DOCK2: variants seen among roughly 807,000 people sequenced by gnomAD.
The protein encoded by DOCK2 is dedicator of cytokinesis protein 2.
Under a neutral mutation model 248.9 loss-of-function variants are expected in DOCK2, and 87 were observed. The observed-to-expected ratio is 0.35, with a 90% CI of 0.29 to 0.42. The LOEUF is 0.42. DOCK2 is among the 10% of genes least tolerant of loss of function. The pLI is 1.00. For synonymous variants in DOCK2, 805 were observed against 821.6 expected (o/e 0.98, Z 0.35); for missense variants, 1,747 against 2,300.2 (o/e 0.76, Z 4.92).
chr5:169,746,932 G>A (rs768294449), intron 22 of DOCK2, among the ~76,000 whole-genome samples: 2 of 152,158 alleles, frequency 1.3e-5, no homozygotes, highest in Non-Finnish European at 2.9e-5. Context: ...GGAAGGGAAA[G>A]CAATGGCCCC....
intron 10 of DOCK2, among the ~76,000 whole-genome samples, chr5:169,697,957 A>AG (rs1760730402): frequency 6.6e-6 from 1 of 152,210 alleles, no homozygotes; most frequent in African/African-American, 2.4e-5. Flanking sequence ...TTATGAAAAG[A>AG]GGGTGGATAT....
In DOCK2 at chr5:169,807,833, C is replaced by CAAAAAAAAAAAAAAAAAA. The variant is rs61670398; in HGVS notation, c.2703+4636_2703+4653dup. On this transcript the variant is annotated intron_variant, in intron 26 of 51. Coordinates refer to ENST00000520908, the MANE Select transcript of DOCK2 (RefSeq NM_004946.3). ...TGGGAGACAGAGCAAGACTCTGTCT[C>CAAAAAAAAAAAAAAAAAA]AAAAAAAAAAAAAAAAAAAAAAAAA... is the stretch of plus-strand genomic sequence containing the variant. Among the ~76,000 whole-genome samples the CAAAAAAAAAAAAAAAAAA allele has an allele frequency of 5.3e-3, 129 of 24,226 alleles. 16 individuals are homozygous for CAAAAAAAAAAAAAAAAAA. The highest frequency in any genetic ancestry group is 0.014 in the Admixed American group (25 of 1,742). The allele number at this position is 24,226 out of a possible 152,430, so 15.9% of individuals were successfully genotyped here. A position where few individuals can be genotyped will look rare whatever the true frequency, so the allele number is the denominator to read the frequency against.
At chr5:169,789,941 A>G (rs1358094871) in intron 25 of DOCK2, among the ~76,000 whole-genome samples, 2 of 152,104 alleles carry the variant, frequency 1.3e-5, no homozygotes, top group Non-Finnish European at 2.9e-5. Flanking sequence ...GTTTATTTGA[A>G]ATATAGTATA....
chr5:169,641,500 G>T (rs1472362202), intron 1 of DOCK2, among the ~76,000 whole-genome samples: 2 of 152,182 alleles, frequency 1.3e-5, no homozygotes, highest in African/African-American at 4.8e-5. Context: ...TTGTTGAAGG[G>T]AACAAAATCT....
intron 33 of DOCK2, among the ~76,000 whole-genome samples, chr5:170,022,967 G>A (rs2113825681): frequency 6.6e-6 from 1 of 152,332 alleles, no homozygotes; most frequent in South Asian, 2.1e-4. Context: ...AATAATGGGG[G>A]TTGCTAATGA....
At chr5:169,712,284 C>A in intron 17 of DOCK2, 61 bp downstream of exon 17, 4 of 1,496,266 alleles carry the variant, frequency 2.7e-6, no homozygotes, top group Non-Finnish European at 3.7e-6. Flanking sequence ...GGGGTGATGG[C>A]AAAATTGCTT....
chr5:169,973,592 T>C (rs1355116820), intron 27 of DOCK2, among the ~76,000 whole-genome samples: 1 of 152,176 alleles, frequency 6.6e-6, no homozygotes, highest in African/African-American at 2.4e-5. Flanking sequence ...AGAGCTGGCA[T>C]TGATCCCAGG....
intron 27 of DOCK2, among the ~76,000 whole-genome samples, chr5:169,897,835 C>T (rs969759702): frequency 6.6e-6 from 1 of 152,162 alleles, no homozygotes; most frequent in African/African-American, 2.4e-5. Flanking sequence ...TTAATTTTCT[C>T]CAGGTCTATG....
chr5:169,667,633 T>A (rs183490577), intron 2 of DOCK2, among the ~76,000 whole-genome samples: 46 of 152,346 alleles, frequency 3.0e-4, no homozygotes, highest in Admixed American at 2.8e-3. Flanking sequence ...CATCACCCAC[T>A]AGCTGTGTGA....
intron 27 of DOCK2, chr5:169,884,024 C>T: frequency 1.1e-6 from 1 of 877,160 alleles, no homozygotes; most frequent in Non-Finnish European, 1.6e-6. Flanking sequence ...TGGAGTGGTC[C>T]TCTCCTCTTA....
chr5:169,716,458 T>G (rs1485354706), intron 20 of DOCK2, among the ~76,000 whole-genome samples, 156 bp downstream of exon 20: 2 of 152,236 alleles, frequency 1.3e-5, no homozygotes, highest in Non-Finnish European at 2.9e-5. Context: ...AATAATGAGC[T>G]GCTATTTCCT....
At chr5:169,686,777 C>T (rs1424223613) in intron 8 of DOCK2, among the ~76,000 whole-genome samples, 3 of 152,258 alleles carry the variant, frequency 2.0e-5, no homozygotes, top group South Asian at 4.1e-4. Context: ...GACTGAATCA[C>T]GGTCAGATAC....
intron 6 of DOCK2, among the ~76,000 whole-genome samples, chr5:169,678,430 AT>A (rs1411306254): frequency 6.6e-6 from 1 of 151,958 alleles, no homozygotes; most frequent in Non-Finnish European, 1.5e-5. Context: ...TGCCAGGCTA[AT>A]TTTTGTATTT....
At chr5:169,874,997 C>G (rs1203263426) in intron 27 of DOCK2, among the ~76,000 whole-genome samples, 1 of 152,006 alleles carries the variant, frequency 6.6e-6, no homozygotes, top group East Asian at 1.9e-4. Flanking sequence ...ATAATTAGGT[C>G]TATATATGAT....
intron 27 of DOCK2, among the ~76,000 whole-genome samples, chr5:169,908,302 A>G (rs745975282): frequency 6.6e-6 from 1 of 152,134 alleles, no homozygotes; most frequent in Non-Finnish European, 1.5e-5. Flanking sequence ...GCAAATCAAT[A>G]AAGTATATAA....
chr5:170,009,982 G>A (rs1038296761), intron 32 of DOCK2, among the ~76,000 whole-genome samples: 1 of 152,212 alleles, frequency 6.6e-6, no homozygotes, highest in African/African-American at 2.4e-5. Context: ...GACATTTACA[G>A]GCTGTGAGGC....
intron 22 of DOCK2, among the ~76,000 whole-genome samples, chr5:169,740,849 T>G (rs923386140): frequency 1.3e-5 from 2 of 152,200 alleles, no homozygotes; most frequent in Non-Finnish European, 2.9e-5. Flanking sequence ...TTGTTTTTGT[T>G]TTTGGAGACA....
chr5:169,949,865 A>G (rs2113722850), intron 27 of DOCK2, among the ~76,000 whole-genome samples: 1 of 152,014 alleles, frequency 6.6e-6, no homozygotes, highest in Non-Finnish European at 1.5e-5. Flanking sequence ...GCAAATGCAA[A>G]TAGACTCTTC....
chr5:169,828,338 G>A (rs372977646), intron 26 of DOCK2, among the ~76,000 whole-genome samples: 1 of 152,196 alleles, frequency 6.6e-6, no homozygotes, highest in African/African-American at 2.4e-5. Context: ...CCTAAGCAGA[G>A]CGGTCAGTGA....
Sources: allele counts gnomAD v4.1 joint callset (sites outside exome capture counted in the v4.1 genomes callset), GRCh38; gene constraint gnomAD v4.1.1; transcripts MANE v1.5; gene names NCBI Gene and HGNC (gene_info 2026-07-23, HGNC 2026-07-21).